The following CYTH4 variants were observed in gnomAD, a reference collection of about 807,000 sequenced individuals.
CYTH4 encodes the protein cytohesin 4, also known as cytohesin-4.
In CYTH4, 22 loss-of-function variants were observed where a neutral mutation model predicts 57.5. That is an observed-to-expected ratio of 0.38 (90% CI 0.27 to 0.55). CYTH4 has a LOEUF of 0.55. CYTH4 is among the 20% of genes least tolerant of loss of function. The probability of loss-of-function intolerance (pLI) is 0.74; values close to 1 mark genes in which losing one functional copy is unlikely to be tolerated. For synonymous variants in CYTH4, 186 were observed against 206.5 expected, an observed-to-expected ratio of 0.90 and a Z score of 0.85; for missense variants, 420 against 535.6, an observed-to-expected ratio of 0.78 and a Z score of 2.13.
At chr22:37,299,727 A>C (rs1929113387) in intron 6 of CYTH4, among the ~76,000 whole-genome samples, 1 of 152,202 alleles carries the variant, frequency 6.6e-6, no homozygotes, top group Non-Finnish European at 1.5e-5. Context: ...GAGGCAGTCC[A>C]ATTATCAGTT....
intron 1 of CYTH4, among the ~76,000 whole-genome samples, chr22:37,283,684 A>T (rs1328315153): frequency 2.0e-5 from 3 of 152,142 alleles, no homozygotes; most frequent in Non-Finnish European, 4.4e-5. Context: ...AGCCTCTCTA[A>T]GGCAGGAGCA....
Position 37,311,594 on chromosome 22 carries a change from G to A in CYTH4, c.957+67G>A. 6.7e-7 allele frequency: 1 copy of A among 1,498,530 alleles called. No homozygotes were observed. The highest frequency in any genetic ancestry group is 1.1e-5 in the South Asian group (1 of 88,612). 92.8% of individuals were successfully genotyped at this position (1,498,530 alleles called of 1,614,324 possible). On this transcript the variant is annotated intron_variant, in intron 11 of 12. Coordinates refer to ENST00000248901, the MANE Select transcript of CYTH4 (RefSeq NM_013385.5). This position sits in a 1 kb window ranked among gnomAD's most constrained non-coding sequence, Gnocchi z 4.4. ...GGAAATTTCCTAAACAGAACGTGGG[G>A]AGAGGGCCTGAGGCTGGGCTCTCCA...
chr22:37,285,911 T>C (rs974983996), intron 1 of CYTH4, among the ~76,000 whole-genome samples: 4 of 152,062 alleles, frequency 2.6e-5, no homozygotes, highest in Admixed American at 2.0e-4. Context: ...TTGCCACCTA[T>C]TCGGGACAGG....
chr22:37,291,267 T>G lies in CYTH4; in HGVS notation c.20-1354T>G, dbSNP rs571274109. Reference sequence around the variant, plus strand: ...ACATGATGAGTCTTCTCCACACCGCTGCCTGGGGACCTGGGCTCCATCTAG... The same window carrying G: ...ACATGATGAGTCTTCTCCACACCGCGGCCTGGGGACCTGGGCTCCATCTAG... On this transcript the variant is annotated intron_variant, in intron 1 of 12. Coordinates refer to ENST00000248901, the MANE Select transcript of CYTH4 (RefSeq NM_013385.5). Among the ~76,000 whole-genome samples the G allele has an allele frequency of 3.3e-5, 5 of 152,330 alleles. No homozygotes were observed. In the South Asian group the frequency reaches 1.0e-3, roughly 32 times the overall value.
At chr22:37,291,472 GA>G (rs764550629) in intron 1 of CYTH4, among the ~76,000 whole-genome samples, 10 of 152,240 alleles carry the variant, frequency 6.6e-5, no homozygotes, top group Non-Finnish European at 1.3e-4. Context: ...CCCGACGCTG[GA>G]ACTTGAAGGT....
chr22:37,285,230 G>C (rs1160833336), intron 1 of CYTH4, among the ~76,000 whole-genome samples: 1 of 152,148 alleles, frequency 6.6e-6, no homozygotes, highest in East Asian at 1.9e-4. Flanking sequence ...CCGGGGAGAT[G>C]GGCACATTCA....
chr22:37,314,311 T>G lies in CYTH4; in HGVS notation c.*800T>G, dbSNP rs1929772384. The G allele has an allele frequency of 5.0e-6, 2 of 398,726 alleles. No individual in the cohort carries two copies. The highest frequency in any genetic ancestry group is 7.1e-5 in the East Asian group (2 of 28,074). 24.7% of individuals were successfully genotyped at this position (398,726 alleles called of 1,614,324 possible). On this transcript the variant is annotated 3_prime_UTR_variant, in exon 13 of 13. Transcript: ENST00000248901. ...CGTTGCTGGGGAGAGAAAAGCAGTA[T>G]AGACTCCACCTTCCAGGATGTCCAT...
intron 2 of CYTH4, among the ~76,000 whole-genome samples, chr22:37,294,262 AGGTGG>A (rs1260485060): frequency 3.6e-4 from 1 of 2,798 alleles, no homozygotes; most frequent in Non-Finnish European, 6.8e-4. Flanking sequence ...GGCAGGGTGG[AGGTGG>A]GCTGGGGGAG....
At chr22:37,294,901 G>C (rs1186030907) in intron 3 of CYTH4, among the ~76,000 whole-genome samples, 177 bp downstream of exon 3, 1 of 152,168 alleles carries the variant, frequency 6.6e-6, no homozygotes, top group African/African-American at 2.4e-5. Flanking sequence ...CCCATCCCGG[G>C]TCTGGTCCCT....
intron 1 of CYTH4, among the ~76,000 whole-genome samples, chr22:37,288,973 C>A (rs1223805019): frequency 6.6e-6 from 1 of 152,206 alleles, no homozygotes; most frequent in African/African-American, 2.4e-5. Context: ...GTCAAACACC[C>A]TAAGCCTCTG....
intron 1 of CYTH4, among the ~76,000 whole-genome samples, chr22:37,284,972 G>A (rs995133061): frequency 1.8e-4 from 28 of 152,174 alleles, no homozygotes; most frequent in African/African-American, 6.0e-4. Context: ...GGAGGAAGCC[G>A]CACTCCGCAG....
chr22:37,308,020 C>T (rs1033081191), intron 8 of CYTH4, among the ~76,000 whole-genome samples: 3 of 152,294 alleles, frequency 2.0e-5, no homozygotes, highest in East Asian at 1.9e-4. Flanking sequence ...CCGTGGAGAA[C>T]GGCAGTCTGC....
In CYTH4 at chr22:37,292,515, A is replaced by C. The variant is rs573224415; in HGVS notation, c.20-106A>C. 7.4e-4 allele frequency: 855 copies of C among 1,159,246 alleles called. 5 individuals are homozygous for C. In the African/African-American group the frequency reaches 0.011, roughly 15 times the overall value. The allele number at this position is 1,159,246 out of a possible 1,614,324, so 71.8% of individuals were successfully genotyped here. A position where few individuals can be genotyped will look rare whatever the true frequency, so the allele number is the denominator to read the frequency against. On this transcript the variant is annotated intron_variant, in intron 1 of 12. Transcript: ENST00000248901. The stretch of plus-strand genomic sequence containing the variant: ...TCCTGGAGGAGGTGGGCCTCTGTGA[A>C]TAGGGCAAGTCCTGGGTTTCCGGAG...
At chr22:37,294,288 G>T (rs550019207) in intron 2 of CYTH4, among the ~76,000 whole-genome samples, 1 of 150,106 alleles carries the variant, frequency 6.7e-6, no homozygotes, top group East Asian at 2.0e-4. Flanking sequence ...GTGGGCAGTG[G>T]GGAGGCCGGC....
At chr22:37,310,030 C>A (rs554738944) in intron 9 of CYTH4, 11 of 468,486 alleles carry the variant, frequency 2.3e-5, no homozygotes, top group Non-Finnish European at 4.9e-5. Context: ...GCCTCCAGGG[C>A]AGGTGAGGAC....
At position 37,313,501 on chromosome 22, in the gene CYTH4, G is replaced by A. The variant is rs769889970; in HGVS notation, c.1175G>A (p.Ser392Asn). The change falls in exon 13 of 13, where the codon AGC becomes AAC. Residue 392 changes from serine to asparagine, a missense_variant. Transcript: ENST00000248901. ...TCTACTCGGAAGAAGAAGATTGCCAGCAAGCAGTGAGATTCCTGGAGGTGG... is the reference window on the plus strand; with the variant it reads ...TCTACTCGGAAGAAGAAGATTGCCAACAAGCAGTGAGATTCCTGGAGGTGG... The part of the protein sequence containing the change: ...LVSTRKKKIA[S>N]KQ 2 of 1,614,192 alleles carry A rather than the reference G, an allele frequency of 1.2e-6. No individual in the cohort carries two copies. The highest frequency in any genetic ancestry group is 2.2e-5 in the South Asian group (2 of 91,084).
intron 7 of CYTH4, among the ~76,000 whole-genome samples, chr22:37,302,807 C>T (rs921324582): frequency 4.6e-5 from 7 of 152,142 alleles, no homozygotes; most frequent in South Asian, 2.1e-4. Flanking sequence ...TCAGGAGGAA[C>T]GCCAGCAAGA....
chr22:37,311,657 T>C lies in CYTH4; in HGVS notation c.957+130T>C. The C allele has an allele frequency of 1.1e-6, 1 of 928,326 alleles. No homozygotes were observed. Among genetic ancestry groups the C allele is most frequent in the Non-Finnish European group, 1.7e-6 (1 of 594,254 alleles). The allele number at this position is 928,326 out of a possible 1,614,324, so 57.5% of individuals were successfully genotyped here. On this transcript the variant is annotated intron_variant, in intron 11 of 12. Transcript: ENST00000248901. This position sits in a 1 kb window ranked among gnomAD's most constrained non-coding sequence, Gnocchi z 4.4. ...GTGCCCCTTACACCTTCCCTGTGGCTCAGGGCTGCCTTCTCTCCCTCCTGG... is the reference window on the plus strand; with the variant it reads ...GTGCCCCTTACACCTTCCCTGTGGCCCAGGGCTGCCTTCTCTCCCTCCTGG...
rs780357738 is a variant in CYTH4, at chr22:37,299,222, C to G, written c.354-4C>G. 5 of 1,613,462 alleles carry G rather than the reference C, an allele frequency of 3.1e-6. No individual in the cohort carries two copies. The Admixed American group carries it at 6.7e-5, about 22-fold the overall frequency. Reference sequence around the variant, plus strand: ...CCCACCCTCCCTTCCGCCTCCTCCCCCAGGGATCCCATCAACCTGCAGGTC... The same window carrying G: ...CCCACCCTCCCTTCCGCCTCCTCCCGCAGGGATCCCATCAACCTGCAGGTC... On this transcript the variant is annotated splice_region_variant and splice_polypyrimidine_tract_variant and intron_variant, in intron 5 of 12. Transcript: ENST00000248901.
Sources: gnomAD v4.1 joint callset for allele counts (sites outside exome capture counted in the v4.1 genomes callset) on GRCh38, gnomAD v4.1.1 for gene constraint, Gnocchi (gnomAD v3.1) non-coding constraint, MANE v1.5 for transcripts, NCBI Gene and HGNC (gene_info 2026-07-23, HGNC 2026-07-21) for gene names.